Variants in HSD17B1 observed in about 807,000 individuals in gnomAD.
HSD17B1 encodes the protein 17-beta-hydroxysteroid dehydrogenase type 1.
In HSD17B1, 16 loss-of-function variants were observed where a neutral mutation model predicts 22.7. The ratio of observed to expected loss-of-function variants is 0.71; its 90% CI spans 0.48 to 1.07. The LOEUF is 1.07. HSD17B1 is among the 50% of genes least tolerant of loss of function. HSD17B1 has a pLI of 0.00. For missense variants in HSD17B1, 533 were observed against 459.9 expected, an observed-to-expected ratio of 1.16 and a Z score of -1.45; for synonymous variants, 243 against 211.0, an observed-to-expected ratio of 1.15 and a Z score of -1.31.
In HSD17B1 at chr17:42,554,343, G is replaced by A. The variant is rs1478058109; in HGVS notation, c.540-62G>A. On this transcript the variant is annotated intron_variant, in intron 4 of 5. Transcript: ENST00000585807. ...GTGGTTGGGGCTGGGACTGGGGTTG[G>A]GGCTGGGACTGGGGCCTGGCTGGCG... 6.0e-6 allele frequency: 9 copies of A among 1,509,622 alleles called. No homozygotes were observed. In the South Asian group the frequency reaches 1.1e-4, roughly 19 times the overall value. 93.5% of individuals were successfully genotyped at this position (1,509,622 alleles called of 1,614,324 possible). A position where few individuals can be genotyped will look rare whatever the true frequency, so the allele number is the denominator to read the frequency against.
At chr17:42,554,129 C>T in intron 4 of HSD17B1, 1 of 636,018 alleles carries the variant, frequency 1.6e-6, no homozygotes, top group Non-Finnish European at 2.7e-6. Flanking sequence ...GTGACTGGCC[C>T]AAGGTCACAC....
rs1050580692 is a variant in HSD17B1, at chr17:42,554,895, T to C, written c.944T>C (p.Val315Ala). The C allele has an allele frequency of 8.5e-5, 129 of 1,520,688 alleles. No individual in the cohort carries two copies. Among genetic ancestry groups the C allele is most frequent in the Non-Finnish European group, 1.0e-4 (119 of 1,143,220 alleles). The allele number at this position is 1,520,688 out of a possible 1,614,324, so 94.2% of individuals were successfully genotyped here. Reference protein sequence around the residue: ...GAEDEAGRGAVGDPELGDPPA... With the variant: ...GAEDEAGRGAAGDPELGDPPA... The stretch of plus-strand genomic sequence containing the variant: ...GAGGACGAGGCCGGGCGCGGTGCGG[T>C]GGGGGACCCTGAGCTCGGCGATCCT... Residue 315 changes from valine to alanine, a missense_variant, in exon 6 of 6, where the codon GTG becomes GCG. By Grantham distance (64) the Val-to-Ala change is moderately conservative. Coordinates refer to ENST00000585807, the MANE Select transcript of HSD17B1 (RefSeq NM_000413.4).
chr17:42,554,293 G>A, intron 4 of HSD17B1, 112 bp from the exon 5 acceptor site: 5 of 1,399,288 alleles, frequency 3.6e-6, no homozygotes, highest in South Asian at 1.4e-5. Flanking sequence ...GCGCAGCGGT[G>A]CTGCTCGCGG....
rs1316772523 is a variant in HSD17B1, at chr17:42,554,568, G to A, written c.703G>A (p.Glu235Lys). 3.7e-6 allele frequency: 6 copies of A among 1,613,710 alleles called. No homozygotes were observed. The highest frequency in any genetic ancestry group is 1.7e-6 in the Non-Finnish European group (2 of 1,179,828). Residue 235 changes from glutamate (E) to lysine (K), a missense_variant, in exon 5 of 6, where the codon GAG (glutamate) becomes AAG (lysine). Physicochemically the swap from Glu to Lys is moderately conservative, Grantham distance 56 (BLOSUM62 1). Coordinates refer to ENST00000585807, the MANE Select transcript of HSD17B1 (RefSeq NM_000413.4). ...CTTTCGCGAGGCGGCGCAGAACCCT[G>A]AGGAGGTGGCGGAGGTGAGCGCCGG... is the stretch of plus-strand genomic sequence containing the variant. ...QVFREAAQNP[E>K]EVAEVFLTAL...
Position 42,554,802 on chromosome 17 carries a change from T to C in HSD17B1, c.851T>C (p.Val284Ala), listed in dbSNP as rs746512822. The change falls in exon 6 of 6, where the codon GTG (valine) becomes GCG (alanine). Residue 284 changes from valine to alanine, a missense_variant. By Grantham distance (64) the Val-to-Ala change is moderately conservative (BLOSUM62 0). Coordinates refer to ENST00000585807, the MANE Select transcript of HSD17B1 (RefSeq NM_000413.4). ...TACGTCACCGCCATGCACCGGGAAG[T>C]GTTCGGCGACGTTCCGGCAAAGGCC... ...SNYVTAMHRE[V>A]FGDVPAKAEA... The C allele has an allele frequency of 5.2e-5, 83 of 1,601,650 alleles. No homozygotes were observed. Among genetic ancestry groups the C allele is most frequent in the Non-Finnish European group, 6.6e-5 (78 of 1,179,604 alleles).
chr17:42,554,972 T>C lies in HSD17B1; in HGVS notation c.*34T>C, dbSNP rs763240809. The C allele has an allele frequency of 1.7e-5, 24 of 1,442,570 alleles. No homozygotes were observed. In the South Asian group the frequency reaches 3.4e-4, roughly 20 times the overall value. The allele number at this position is 1,442,570 out of a possible 1,614,324, so 89.4% of individuals were successfully genotyped here. ...TCAGCCGCTGTCTCCCGCGCCCTTC[T>C]TTGTCCCCTGGGTCTGTGTGGTCCC... On this transcript the variant is annotated 3_prime_UTR_variant, in exon 6 of 6. Transcript: ENST00000585807.
In HSD17B1 at chr17:42,555,135, C is replaced by A. The variant is rs967827984; in HGVS notation, c.*197C>A. 7.6e-6 allele frequency: 9 copies of A among 1,181,594 alleles called. No homozygotes were observed. Among genetic ancestry groups the A allele is most frequent in the Non-Finnish European group, 7.8e-6 (7 of 899,184 alleles). The allele number at this position is 1,181,594 out of a possible 1,614,324, so 73.2% of individuals were successfully genotyped here. The stretch of plus-strand genomic sequence containing the variant: ...GGGAGGCGGAGGCAGGAGGATCGCT[C>A]AAGCCCCGGAGTTGGAGACCAGCCA... On this transcript the variant is annotated 3_prime_UTR_variant, in exon 6 of 6. Coordinates refer to ENST00000585807, the MANE Select transcript of HSD17B1 (RefSeq NM_000413.4).
In HSD17B1 at chr17:42,554,882, G is replaced by C. The variant is rs751076995; in HGVS notation, c.931G>C (p.Gly311Arg). The part of the protein sequence containing the change: ...GAGPGAEDEA[G>R]RGAVGDPELG... ...CGGGCCTGGGGCAGAGGACGAGGCCGGGCGCGGTGCGGTGGGGGACCCTGA... is the reference window on the plus strand; with the variant it reads ...CGGGCCTGGGGCAGAGGACGAGGCCCGGCGCGGTGCGGTGGGGGACCCTGA... Residue 311 changes from glycine to arginine, a missense_variant, in exon 6 of 6, where the codon GGG (glycine) becomes CGG (arginine). Transcript: ENST00000585807. The C allele has an allele frequency of 2.6e-6, 4 of 1,554,322 alleles. No homozygotes were observed. Among genetic ancestry groups the C allele is most frequent in the Non-Finnish European group, 3.5e-6 (4 of 1,158,086 alleles).
chr17:42,554,329 T>C lies in HSD17B1; in HGVS notation c.540-76T>C. 3.4e-6 allele frequency: 5 copies of C among 1,483,920 alleles called. No homozygotes were observed. In the South Asian group the frequency reaches 5.2e-5, roughly 15 times the overall value. The allele number at this position is 1,483,920 out of a possible 1,614,324, so 91.9% of individuals were successfully genotyped here. ...TCGGGGGCCGGGACGTGGTTGGGGC[T>C]GGGACTGGGGTTGGGGCTGGGACTG... On this transcript the variant is annotated intron_variant, in intron 4 of 5. Coordinates refer to ENST00000585807, the MANE Select transcript of HSD17B1 (RefSeq NM_000413.4).
rs772780687 is a variant in HSD17B1 at position 42,553,446 on chromosome 17, C to A, written c.273C>A (p.Asn91Lys). Residue 91 changes from asparagine to lysine, a missense_variant, in exon 3 of 6, where the codon AAC becomes AAA. Asn to Lys is a moderately conservative substitution (Grantham distance 94). Transcript: ENST00000585807. ...GGCCTCTTGTCTCCGCAGTGTGTAA[C>A]GCAGGCCTGGGCCTGCTGGGGCCGC... Reference protein sequence around the residue: ...TEGRVDVLVCNAGLGLLGPLE... With the variant: ...TEGRVDVLVCKAGLGLLGPLE... 1.9e-6 allele frequency: 3 copies of A among 1,612,564 alleles called. No homozygotes were observed. Among genetic ancestry groups the A allele is most frequent in the African/African-American group, 2.7e-5 (2 of 74,934 alleles).
At position 42,554,943 on chromosome 17, in the gene HSD17B1, T is replaced by C; in HGVS notation, c.*5T>C. The C allele has an allele frequency of 6.9e-7, 1 of 1,457,184 alleles. No homozygotes were observed. The highest frequency in any genetic ancestry group is 9.0e-7 in the Non-Finnish European group (1 of 1,113,368). 90.3% of individuals were successfully genotyped at this position (1,457,184 alleles called of 1,614,324 possible). ...CCTCCGGCCGCCCCGCAGTAAAGGC[T>C]TCCTCAGCCGCTGTCTCCCGCGCCC... On this transcript the variant is annotated 3_prime_UTR_variant, in exon 6 of 6. Transcript: ENST00000585807.
intron 3 of HSD17B1, 61 bp from the exon 4 acceptor site, chr17:42,553,733 C>T (rs967211454): frequency 1.9e-6 from 3 of 1,596,612 alleles, no homozygotes; most frequent in Non-Finnish European, 2.6e-6. Context: ...GGAGGGGCAC[C>T]GTCTGCCCGG....
chr17:42,554,904 C>T lies in HSD17B1; in HGVS notation c.953C>T (p.Pro318Leu), dbSNP rs1234520925. ...GCCGGGCGCGGTGCGGTGGGGGACC[C>T]TGAGCTCGGCGATCCTCCGGCCGCC... ...DEAGRGAVGD[P>L]ELGDPPAAPQ is the part of the protein sequence containing the mutation. Residue 318 changes from proline (P) to leucine (L), a missense_variant, in exon 6 of 6, where the codon CCT becomes CTT. Pro to Leu is a moderately conservative substitution (Grantham distance 98). Transcript: ENST00000585807. 4 of 1,497,584 alleles carry T rather than the reference C, an allele frequency of 2.7e-6. No homozygotes were observed. Among genetic ancestry groups the T allele is most frequent in the Non-Finnish European group, 3.5e-6 (4 of 1,133,332 alleles). 92.8% of individuals were successfully genotyped at this position (1,497,584 alleles called of 1,614,324 possible).
rs935616929 is a variant in HSD17B1, at chr17:42,554,880, C to A, written c.929C>A (p.Ala310Asp). The A allele has an allele frequency of 5.8e-6, 9 of 1,558,166 alleles. No individual in the cohort carries two copies. The highest frequency in any genetic ancestry group is 1.9e-5 in the Admixed American group (1 of 52,854). ...GCCGGGCCTGGGGCAGAGGACGAGG[C>A]CGGGCGCGGTGCGGTGGGGGACCCT... ...GGAGPGAEDE[A>D]GRGAVGDPEL... The change falls in exon 6 of 6, where the codon GCC (alanine) becomes GAC (aspartate). Residue 310 changes from alanine (A) to aspartate (D), a missense_variant. By Grantham distance (126) the Ala-to-Asp change is moderately radical. Coordinates refer to ENST00000585807, the MANE Select transcript of HSD17B1 (RefSeq NM_000413.4).
rs534603805 is a variant in HSD17B1, at chr17:42,554,087, G to A, written c.539+200G>A. The A allele has an allele frequency of 1.4e-5, 9 of 650,650 alleles. No homozygotes were observed. The South Asian group carries it at 1.7e-4, about 12-fold the overall frequency. 40.3% of individuals were successfully genotyped at this position (650,650 alleles called of 1,614,324 possible). ...ACCTAGCTGCTGAAGTGTTGGTATTGTTATGGGGAAGCTCCAGCCCAGAGA... is the reference window on the plus strand; with the variant it reads ...ACCTAGCTGCTGAAGTGTTGGTATTATTATGGGGAAGCTCCAGCCCAGAGA... On this transcript the variant is annotated intron_variant, in intron 4 of 5. Coordinates refer to ENST00000585807, the MANE Select transcript of HSD17B1 (RefSeq NM_000413.4).
rs1321772088 is a variant in HSD17B1, at chr17:42,553,456, G to T, written c.283G>T (p.Gly95Cys). The T allele has an allele frequency of 1.2e-6, 2 of 1,613,170 alleles. No homozygotes were observed. The highest frequency in any genetic ancestry group is 1.7e-6 in the Non-Finnish European group (2 of 1,179,850). ...VDVLVCNAGL[G>C]LLGPLEALGE... is the part of the protein sequence containing the mutation. ...CTCCGCAGTGTGTAACGCAGGCCTG[G>T]GCCTGCTGGGGCCGCTGGAGGCGCT... is the stretch of plus-strand genomic sequence containing the variant. Residue 95 changes from glycine to cysteine, a missense_variant, in exon 3 of 6, where the codon GGC (glycine) becomes TGC (cysteine). By Grantham distance (159) the Gly-to-Cys change is radical (BLOSUM62 -3). Transcript: ENST00000585807.
intron 1 of HSD17B1, 46 bp downstream of exon 1, chr17:42,553,076 G>A (rs759172674): frequency 1.7e-5 from 28 of 1,614,050 alleles, no homozygotes; most frequent in Non-Finnish European, 2.3e-5. Flanking sequence ...AGGAGCCCTT[G>A]GAGGCCAGAA....
intron 4 of HSD17B1, 128 bp from the exon 5 acceptor site, chr17:42,554,277 T>A: frequency 1.5e-6 from 2 of 1,329,710 alleles, no homozygotes; most frequent in South Asian, 1.5e-5. Context: ...TCCGCCTCAC[T>A]TCCCAGCGCA....
chr17:42,554,555 G>A lies in HSD17B1; in HGVS notation c.690G>A (p.Ala230=). 1 of 1,613,918 alleles carries A rather than the reference G, an allele frequency of 6.2e-7. No individual in the cohort carries two copies. The highest frequency in any genetic ancestry group is 8.5e-7 in the Non-Finnish European group (1 of 1,179,896). ...ACAGCAAGCAAGTCTTTCGCGAGGC[G>A]GCGCAGAACCCTGAGGAGGTGGCGG... ...LAHSKQVFRE[A]AQNPEEVAEV... The change falls in exon 5 of 6, where the codon GCG becomes GCA. Residue 230 remains alanine, a synonymous_variant. Transcript: ENST00000585807.
Sources: gnomAD v4.1 joint callset for allele counts on GRCh38, gnomAD v4.1.1 for gene constraint, MANE v1.5 for transcripts, NCBI Gene and HGNC (gene_info 2026-07-23, HGNC 2026-07-21) for gene names.